The following REV1 variants were observed in gnomAD, a reference collection of about 807,000 sequenced individuals.
REV1 encodes REV1 DNA directed polymerase.
REV1 carries 42 observed loss-of-function variants against 137.4 expected under a neutral mutation model. The ratio of observed to expected loss-of-function variants is 0.31; its 90% CI spans 0.24 to 0.40. REV1 has a LOEUF of 0.40. Ranked by LOEUF, REV1 falls within the 10% of genes least tolerant of loss-of-function variation. REV1 has a pLI of 1.00. For missense variants in REV1, 1,282 were observed against 1,490.1 expected (o/e 0.86, Z 2.30); for synonymous variants, 524 against 519.2 (o/e 1.01, Z -0.12).
intron 1 of REV1, among the ~76,000 whole-genome samples, chr2:99,477,860 AAAC>A (rs1314238732): frequency 1.8e-4 from 27 of 152,222 alleles, no homozygotes; most frequent in African/African-American, 6.3e-4. Flanking sequence ...GGGCTTCCTG[AAAC>A]AACGACTAAT....
chr2:99,427,117 G>GT (rs1679491281), intron 9 of REV1, among the ~76,000 whole-genome samples: 2 of 152,120 alleles, frequency 1.3e-5, no homozygotes, highest in East Asian at 3.9e-4. Context: ...GGGAGGCAGG[G>GT]GTTGCAGTGA....
At chr2:99,454,550 C>CAAAAAAAAAAAAAAAAAAAAAA (rs373850478) in intron 3 of REV1, among the ~76,000 whole-genome samples, 4 of 82,368 alleles carry the variant, frequency 4.9e-5, no homozygotes, top group African/African-American at 9.9e-5. Flanking sequence ...AACTCCAGCT[C>CAAAAAAAAAAAAAAAAAAAAAA]AAAAAAAAAA....
At chr2:99,465,102 G>GTCAAA (rs1436828596) in intron 1 of REV1, 117 bp from the exon 2 acceptor site, 2 of 921,562 alleles carry the variant, frequency 2.2e-6, no homozygotes. Context: ...ACTGATGAAA[G>GTCAAA]TATACAATAT....
chr2:99,449,183 T>C (rs1682620097), intron 4 of REV1, among the ~76,000 whole-genome samples, 153 bp downstream of exon 4: 1 of 152,072 alleles, frequency 6.6e-6, no homozygotes. Flanking sequence ...GAGGGCTGCT[T>C]GAGCCTGGGA....
intron 1 of REV1, among the ~76,000 whole-genome samples, chr2:99,483,955 A>AT (rs1469759069): frequency 6.6e-6 from 1 of 152,144 alleles, no homozygotes; most frequent in East Asian, 1.9e-4. Context: ...TGAGAAGCCA[A>AT]TAACTCATAA....
intron 1 of REV1, among the ~76,000 whole-genome samples, chr2:99,475,033 G>A (rs1685818090): frequency 6.6e-6 from 1 of 152,148 alleles, no homozygotes; most frequent in Non-Finnish European, 1.5e-5. Context: ...AGTTGGACCT[G>A]TTTGAAATGC....
upstream of REV1, chr2:99,490,176 C>T (rs1575288009): frequency 1.3e-5 from 2 of 150,954 alleles, 1 homozygote; most frequent in East Asian, 3.9e-4. Context: ...CACCGCGGCG[C>T]CCGGCGTCGG....
At position 99,404,292 on chromosome 2, in the gene REV1, G is replaced by C. The variant is rs963755161; in HGVS notation, c.3045+152C>G. ...CTACATCCTGCAGATGCAGGAGATG[G>C]AGACAAGCCCACTCTCCCCTCCCCT... On this transcript the variant is annotated intron_variant, in intron 18 of 22. Coordinates refer to ENST00000258428, the MANE Select transcript of REV1 (RefSeq NM_016316.4). 1.0e-5 allele frequency: 7 copies of C among 670,134 alleles called. No homozygotes were observed. The African/African-American group carries it at 1.3e-4, about 12-fold the overall frequency. The allele number at this position is 670,134 out of a possible 1,614,324, so 41.5% of individuals were successfully genotyped here.
rs1019457466 is a variant in REV1, at chr2:99,400,983, CTT to C, written c.*256_*257del. 3 of 261,784 alleles carry C rather than the reference CTT, an allele frequency of 1.1e-5. No individual in the cohort carries two copies. The highest frequency in any genetic ancestry group is 6.6e-5 in the African/African-American group (3 of 45,494). The allele number at this position is 261,784 out of a possible 1,614,324, so 16.2% of individuals were successfully genotyped here. ...GTTCTTTATTAAACAACTGTAAACA[CTT>C]CACTGTAAAAATCCATAAAACTTTA... On this transcript the variant is annotated 3_prime_UTR_variant, in exon 23 of 23. Coordinates refer to ENST00000258428, the MANE Select transcript of REV1 (RefSeq NM_016316.4).
At position 99,417,004 on chromosome 2, in the gene REV1, C is replaced by T. The variant is rs576932678; in HGVS notation, c.1951+1824G>A. Reference sequence around the variant, plus strand: ...GGATTACTAGGTCAAGTAGCTAAAACGTCCCTATTTCTATTAAAACAAAGA... The same window carrying T: ...GGATTACTAGGTCAAGTAGCTAAAATGTCCCTATTTCTATTAAAACAAAGA... On this transcript the variant is annotated intron_variant, in intron 12 of 22. Transcript: ENST00000258428. Among the ~76,000 whole-genome samples the T allele has an allele frequency of 1.9e-4, 28 of 150,158 alleles. No individual in the cohort carries two copies. The East Asian group carries it at 2.9e-3, about 16-fold the overall frequency.
chr2:99,458,867 C>T (rs924869946), intron 3 of REV1, among the ~76,000 whole-genome samples: 1 of 152,032 alleles, frequency 6.6e-6, no homozygotes, highest in Non-Finnish European at 1.5e-5. Context: ...TAAGGAAAGG[C>T]GGAGAACAGA....
intron 9 of REV1, 43 bp from the exon 10 acceptor site, chr2:99,424,323 T>C (rs1679062860): frequency 6.3e-7 from 1 of 1,587,774 alleles, no homozygotes; most frequent in Non-Finnish European, 8.6e-7. Flanking sequence ...TCTAGGAAGT[T>C]TTCAACTCAA....
intron 15 of REV1, among the ~76,000 whole-genome samples, chr2:99,407,080 C>CGTTTTTTTTTTT (rs1676413285): frequency 1.7e-5 from 1 of 60,026 alleles, no homozygotes; most frequent in Non-Finnish European, 2.9e-5. Flanking sequence ...TACAAAGGTT[C>CGTTTTTTTTTTT]TTTTTTTTTT....
chr2:99,406,345 G>A lies in REV1; in HGVS notation c.2594C>T (p.Thr865Ile), dbSNP rs772418770. 2 of 1,612,332 alleles carry A rather than the reference G, an allele frequency of 1.2e-6. No individual in the cohort carries two copies. Among genetic ancestry groups the A allele is most frequent in the Non-Finnish European group, 1.7e-6 (2 of 1,179,048 alleles). ...VFQVQKAKKS[T>I]EEEHKEVFRA... ...CCAACCTTCTTTGTGCTCCTCTTCG[G>A]TGGATTTCTTAGCTTTCTGAACTTG... Residue 865 changes from threonine to isoleucine, a missense_variant, in exon 16 of 23, where the codon ACC becomes ATC. By Grantham distance (89) the Thr-to-Ile change is moderately conservative. Transcript: ENST00000258428.
At chr2:99,433,298 C>A (rs1167674289) in intron 8 of REV1, among the ~76,000 whole-genome samples, 1 of 152,092 alleles carries the variant, frequency 6.6e-6, no homozygotes, top group Non-Finnish European at 1.5e-5. Context: ...TCATGACACA[C>A]AAAATTCTAG....
intron 9 of REV1, chr2:99,424,857 C>A: frequency 7.7e-7 from 1 of 1,304,126 alleles, no homozygotes; most frequent in African/African-American, 1.5e-5. Context: ...CATGGTAGGA[C>A]ATCACTCTGG....
chr2:99,407,343 G>T (rs1267838691), intron 15 of REV1, among the ~76,000 whole-genome samples: 1 of 151,588 alleles, frequency 6.6e-6, no homozygotes, highest in Non-Finnish European at 1.5e-5. Flanking sequence ...CTGAGGTCAG[G>T]AGTTTGAAAC....
chr2:99,454,756 A>C (rs1483237173), intron 3 of REV1, among the ~76,000 whole-genome samples: 1 of 151,986 alleles, frequency 6.6e-6, no homozygotes, highest in Non-Finnish European at 1.5e-5. Flanking sequence ...CAAATAAATA[A>C]AATTCCACAA....
chr2:99,438,041 T>C (rs992763513), intron 6 of REV1, among the ~76,000 whole-genome samples: 7 of 152,176 alleles, frequency 4.6e-5, no homozygotes, highest in African/African-American at 1.7e-4. Context: ...TAATTTATAA[T>C]GACTGGCCCA....
Sources: gnomAD v4.1 joint callset for allele counts (sites outside exome capture counted in the v4.1 genomes callset) on GRCh38, gnomAD v4.1.1 for gene constraint, MANE v1.5 for transcripts, NCBI Gene and HGNC (gene_info 2026-07-23, HGNC 2026-07-21) for gene names.